Variants in ADAMTS20 observed in about 807,000 individuals in gnomAD.
The protein encoded by ADAMTS20 is A disintegrin and metalloproteinase with thrombospondin motifs 20.
A neutral mutation model predicts 260.1 loss-of-function variants in ADAMTS20; 225 were observed. The ratio of observed to expected loss-of-function variants is 0.87; its 90% CI spans 0.78 to 0.97. ADAMTS20 has a LOEUF of 0.97. ADAMTS20 is among the 50% of genes least tolerant of loss of function. The pLI is 0.00. For synonymous variants in ADAMTS20, 802 were observed against 769.5 expected (o/e 1.04, Z -0.70); for missense variants, 2,400 against 2,337.7 (o/e 1.03, Z -0.55).
At chr12:43,361,526 T>C (rs1008227319) in intron 37 of ADAMTS20, among the ~76,000 whole-genome samples, 1 of 152,230 alleles carries the variant, frequency 6.6e-6, no homozygotes, top group Non-Finnish European at 1.5e-5. Context: ...GGAAGAGCAT[T>C]TTATTGCCAG....
chr12:43,446,777 C>T lies in ADAMTS20; in HGVS notation c.2080-65G>A, dbSNP rs754934530. On this transcript the variant is annotated intron_variant, in intron 14 of 38. Transcript: ENST00000389420. ...AATTATGAAGAAAAGAGAGAAGATC[C>T]AAATACATACAATCAGATATGACAA... 3.2e-6 allele frequency: 4 copies of T among 1,250,750 alleles called. No homozygotes were observed. In the Admixed American group the frequency reaches 5.6e-5, roughly 18 times the overall value. The allele number at this position is 1,250,750 out of a possible 1,614,324, so 77.5% of individuals were successfully genotyped here.
Position 43,446,664 on chromosome 12 carries a change from A to G in ADAMTS20, c.2128T>C (p.Cys710Arg). ...GAGTTGTCCCCACCACACACTCCAC[A>G]TTTGTCTATCTTGGCACTGGAGTTT... ...VLNSSAKIDK[C>R]GVCGGDNSSC... Residue 710 changes from cysteine to arginine, a missense_variant, in exon 15 of 39, where the codon TGT becomes CGT. Coordinates refer to ENST00000389420, the MANE Select transcript of ADAMTS20 (RefSeq NM_025003.5). The G allele has an allele frequency of 6.2e-7, 1 of 1,613,472 alleles. No homozygotes were observed. The highest frequency in any genetic ancestry group is 8.5e-7 in the Non-Finnish European group (1 of 1,179,568).
At chr12:43,476,844 G>A (rs1370013222) in intron 7 of ADAMTS20, among the ~76,000 whole-genome samples, 2 of 150,376 alleles carry the variant, frequency 1.3e-5, no homozygotes, top group East Asian at 2.0e-4. Context: ...GGGGACTGTG[G>A]TGGGGTGGGT....
chr12:43,507,099 A>G (rs1279032295), intron 3 of ADAMTS20, among the ~76,000 whole-genome samples: 4 of 152,164 alleles, frequency 2.6e-5, no homozygotes, highest in African/African-American at 9.7e-5. Flanking sequence ...AATAGCTTTT[A>G]TGTGTTTTCA....
Position 43,432,435 on chromosome 12 carries a change from G to T in ADAMTS20, c.2965C>A (p.Arg989=), listed in dbSNP as rs867558051. 6.2e-7 allele frequency: 1 copy of T among 1,612,212 alleles called. No individual in the cohort carries two copies. The highest frequency in any genetic ancestry group is 1.7e-5 in the Admixed American group (1 of 59,862). The change falls in exon 21 of 39, where the codon CGA becomes AGA. Residue 989 remains arginine, a synonymous_variant. Coordinates refer to ENST00000389420, the MANE Select transcript of ADAMTS20 (RefSeq NM_025003.5). ...SRSCGGGERS[R]ESYCMNNFGH... ...AAGTTATTCATACAATAAGATTCTC[G>T]AGACCTTTCCCCTCCTCCACAACTC...
chr12:43,428,868 C>T (rs923543118), intron 24 of ADAMTS20, 69 bp from the exon 25 acceptor site: 5 of 1,338,544 alleles, frequency 3.7e-6, no homozygotes, highest in Non-Finnish European at 4.9e-6. Context: ...TTTTACATAG[C>T]TGTTACTCAC....
chr12:43,429,612 C>T lies in ADAMTS20; in HGVS notation c.3489+5G>A, dbSNP rs1941400553. 1 of 1,575,686 alleles carries T rather than the reference C, an allele frequency of 6.3e-7. No homozygotes were observed. The highest frequency in any genetic ancestry group is 1.4e-5 in the African/African-American group (1 of 73,980). Reference sequence around the variant, plus strand: ...ACACTGTATCTATTAAAGAAATTCACTTACTGGGGTCCAAGAACCATGTCG... The same window carrying T: ...ACACTGTATCTATTAAAGAAATTCATTTACTGGGGTCCAAGAACCATGTCG... On this transcript the variant is annotated splice_donor_5th_base_variant and intron_variant, in intron 24 of 38. Coordinates refer to ENST00000389420, the MANE Select transcript of ADAMTS20 (RefSeq NM_025003.5).
rs1023763875 is a variant in ADAMTS20 at position 43,399,186 on chromosome 12, G to A, written c.4332C>T (p.Cys1444=). The change falls in exon 29 of 39, where the codon TGC becomes TGT. Residue 1444 remains cysteine, a synonymous_variant. Transcript: ENST00000389420. ...CTAATTTCCTTTGGAATTGGTCAAT[G>A]CAAAACACTTCACGGTACTTTCTAC... ...GKGRKYREVF[C]IDQFQRKLED... 1.3e-6 allele frequency: 2 copies of A among 1,582,130 alleles called. No homozygotes were observed. The highest frequency in any genetic ancestry group is 1.3e-5 in the African/African-American group (1 of 74,208).
chr12:43,494,336 T>C (rs1216196963), intron 4 of ADAMTS20, among the ~76,000 whole-genome samples: 1 of 152,184 alleles, frequency 6.6e-6, no homozygotes, highest in Non-Finnish European at 1.5e-5. Flanking sequence ...TTGTTAGAAG[T>C]ATCACTACCG....
intron 29 of ADAMTS20, among the ~76,000 whole-genome samples, chr12:43,386,284 C>A (rs1056522814): frequency 2.0e-5 from 3 of 152,122 alleles, no homozygotes; most frequent in Non-Finnish European, 4.4e-5. Flanking sequence ...GTTGAAAATT[C>A]TTTTCTTTAA....
intron 37 of ADAMTS20, among the ~76,000 whole-genome samples, chr12:43,360,114 GAAAC>G (rs542414595): frequency 8.5e-5 from 13 of 152,240 alleles, no homozygotes; most frequent in Non-Finnish European, 1.2e-4. Flanking sequence ...CAACCGTAAG[GAAAC>G]AAACAACTCA....
rs527251490 is a variant in ADAMTS20, at chr12:43,456,214, A to T, written c.1615-2162T>A. On this transcript the variant is annotated intron_variant, in intron 11 of 38. Transcript: ENST00000389420. ...CAGTTTATAAATAATCAGAAATTTT[A>T]AAAAAGAACAAAGACAATATTTTAC... Among the ~76,000 whole-genome samples the T allele has an allele frequency of 1.1e-4, 16 of 152,362 alleles. No individual in the cohort carries two copies. The East Asian group carries it at 1.2e-3, about 11-fold the overall frequency.
At chr12:43,522,411 A>G (rs61925173) in intron 3 of ADAMTS20, among the ~76,000 whole-genome samples, 14,478 of 152,286 alleles carry the variant, frequency 0.095, 845 homozygotes, top group Admixed American at 0.2. Context: ...GAGCCAAAGC[A>G]TGTCACCATC....
intron 2 of ADAMTS20, among the ~76,000 whole-genome samples, chr12:43,538,148 T>C (rs967632955): frequency 7.2e-5 from 11 of 152,186 alleles, no homozygotes; most frequent in Non-Finnish European, 1.5e-4. Context: ...TGTACAAGTG[T>C]TCCCTTTTTG....
intron 18 of ADAMTS20, among the ~76,000 whole-genome samples, chr12:43,438,613 T>C (rs1367306286): frequency 1.3e-5 from 2 of 152,174 alleles, no homozygotes; most frequent in Admixed American, 6.5e-5. Context: ...ACAGTTCCTT[T>C]GGCACCTCGT....
rs948020467 is a variant in ADAMTS20, at chr12:43,409,428, T to C, written c.4285-10195A>G. On this transcript the variant is annotated intron_variant, in intron 28 of 38. Coordinates refer to ENST00000389420, the MANE Select transcript of ADAMTS20 (RefSeq NM_025003.5). ...CCATCCCGGCTAAAACGGTGAAACCTCGTCTCTACTAAAAATACAAAAAAT... is the reference window on the plus strand; with the variant it reads ...CCATCCCGGCTAAAACGGTGAAACCCCGTCTCTACTAAAAATACAAAAAAT... Among the ~76,000 whole-genome samples, 24 of 150,484 alleles carry C rather than the reference T, an allele frequency of 1.6e-4. 1 individual carries two copies. The highest frequency in any genetic ancestry group is 3.2e-4 in the African/African-American group (13 of 40,974).
chr12:43,485,465 A>C (rs1209841412), intron 7 of ADAMTS20, among the ~76,000 whole-genome samples: 1 of 152,180 alleles, frequency 6.6e-6, no homozygotes, highest in East Asian at 1.9e-4. Context: ...CCACTATCAT[A>C]TTGAACAGGG....
At chr12:43,425,913 A>G (rs1941324719) in intron 27 of ADAMTS20, among the ~76,000 whole-genome samples, 1 of 152,144 alleles carries the variant, frequency 6.6e-6, no homozygotes, top group Admixed American at 6.5e-5. Flanking sequence ...CAAAGTTTCA[A>G]TTCCACGACT....
In ADAMTS20 at chr12:43,429,631, C is replaced by T; in HGVS notation, c.3475G>A (p.Gly1159Ser). 1 of 1,594,508 alleles carries T rather than the reference C, an allele frequency of 6.3e-7. No homozygotes were observed. The highest frequency in any genetic ancestry group is 2.2e-5 in the East Asian group (1 of 44,532). Residue 1159 changes from glycine (G) to serine (S), a missense_variant, in exon 24 of 39, where the codon GGT becomes AGT. Coordinates refer to ENST00000389420, the MANE Select transcript of ADAMTS20 (RefSeq NM_025003.5). ...AATTCACTTACTGGGGTCCAAGAACCATGTCGCCATTGTGCCATCTTTTTT... is the reference window on the plus strand; with the variant it reads ...AATTCACTTACTGGGGTCCAAGAACTATGTCGCCATTGTGCCATCTTTTTT... ...LIKKMAQWRH[G>S]SWTPCSVSCG...
Sources: allele counts gnomAD v4.1 joint callset (sites outside exome capture counted in the v4.1 genomes callset), GRCh38; gene constraint gnomAD v4.1.1; transcripts MANE v1.5; gene names NCBI Gene and HGNC (gene_info 2026-07-23, HGNC 2026-07-21).